Variants in CABIN1 observed in about 807,000 individuals in gnomAD.
The protein encoded by CABIN1 is calcineurin binding protein 1.
Under a neutral mutation model 227.7 loss-of-function variants are expected in CABIN1, and 133 were observed. The observed-to-expected ratio is 0.58, with a 90% CI of 0.51 to 0.67. The LOEUF is 0.67. CABIN1 is among the 30% of genes least tolerant of loss of function. The probability of loss-of-function intolerance (pLI) is 0.00; values close to 1 mark genes in which losing one functional copy is unlikely to be tolerated. For missense variants in CABIN1, 2,408 were observed against 2,852.5 expected (o/e 0.84, Z 3.55); for synonymous variants, 1,086 against 1,155.1 (o/e 0.94, Z 1.21).
intron 28 of CABIN1, among the ~76,000 whole-genome samples, chr22:24,130,951 T>A (rs373197050): frequency 6.6e-6 from 1 of 152,344 alleles, no homozygotes; most frequent in South Asian, 2.1e-4. Context: ...TCCCACTGCC[T>A]TCTCCCTTTC....
At chr22:24,115,390 G>T (rs2043025941) in intron 27 of CABIN1, among the ~76,000 whole-genome samples, 1 of 152,176 alleles carries the variant, frequency 6.6e-6, no homozygotes, top group African/African-American at 2.4e-5. Flanking sequence ...AGTTTGTGGG[G>T]CTGGCCATTG....
At chr22:24,116,944 A>G (rs2043121306) in intron 27 of CABIN1, among the ~76,000 whole-genome samples, 1 of 152,198 alleles carries the variant, frequency 6.6e-6, no homozygotes. Flanking sequence ...GCCAGAACAC[A>G]CATTTTACTT....
intron 29 of CABIN1, among the ~76,000 whole-genome samples, chr22:24,140,514 C>T (rs1236805109): frequency 3.3e-5 from 5 of 152,324 alleles, no homozygotes; most frequent in African/African-American, 1.2e-4. Context: ...CGCAGGCATA[C>T]ACACCTCTGG....
intron 12 of CABIN1, 40 bp downstream of exon 12, chr22:24,060,181 C>T: frequency 1.3e-6 from 2 of 1,565,892 alleles, no homozygotes; most frequent in Non-Finnish European, 1.8e-6. Context: ...TGAACTGGGA[C>T]CAGGGCATGG....
intron 26 of CABIN1, among the ~76,000 whole-genome samples, chr22:24,106,403 G>A (rs1004752026): frequency 6.6e-6 from 1 of 152,204 alleles, no homozygotes; most frequent in Non-Finnish European, 1.5e-5. Flanking sequence ...CCAGAGCAGG[G>A]GCTTCCTGCT....
At chr22:24,054,768 C>T in intron 8 of CABIN1, 105 bp from the exon 9 acceptor site, 2 of 1,432,244 alleles carry the variant, frequency 1.4e-6, no homozygotes, top group Non-Finnish European at 9.8e-7. Flanking sequence ...CATGGCAGCT[C>T]CAGGAGCAGC....
At position 24,048,912 on chromosome 22, in the gene CABIN1, G is replaced by A. The variant is rs2038104948; in HGVS notation, c.527-179G>A. 2.0e-5 allele frequency among the ~76,000 whole-genome samples: 3 copies of A among 152,218 alleles called. No homozygotes were observed. The South Asian group carries it at 6.2e-4, about 32-fold the overall frequency. On this transcript the variant is annotated intron_variant, in intron 6 of 36. Transcript: ENST00000263119. The stretch of plus-strand genomic sequence containing the variant: ...AATCTTTGGGTCTGCTCACCTTGCA[G>A]TGCCCAGTCTACTCTGGGTCTTATT...
rs185147368 is a variant in CABIN1 at position 24,030,611 on chromosome 22, A to C, written c.-74-4833A>C. ...TTTTGAAAATAATTAGGAAGCCTGA[A>C]ATTTGTATTTGTTCTCCTACACTGT... On this transcript the variant is annotated intron_variant, in intron 1 of 36. Coordinates refer to ENST00000263119, the MANE Select transcript of CABIN1 (RefSeq NM_012295.4). 8.3e-4 allele frequency among the ~76,000 whole-genome samples: 127 copies of C among 152,208 alleles called. 1 individual carries two copies. Among genetic ancestry groups the C allele is most frequent in the African/African-American group, 2.9e-3 (120 of 41,532 alleles).
At chr22:24,132,308 CTT>C (rs1205017121) in intron 28 of CABIN1, among the ~76,000 whole-genome samples, 1 of 152,186 alleles carries the variant, frequency 6.6e-6, no homozygotes, top group African/African-American at 2.4e-5. Context: ...TTGAGCTAAT[CTT>C]TGGTTTTATT....
chr22:24,175,687 C>G (rs976635514), intron 34 of CABIN1: 8 of 292,030 alleles, frequency 2.7e-5, no homozygotes, highest in African/African-American at 4.4e-5. Context: ...CCAGCGTCTA[C>G]TTTGGTCTTA....
Position 24,167,155 on chromosome 22 carries a change from C to A in CABIN1, c.5524C>A (p.Arg1842=), listed in dbSNP as rs771733402. ...GGGCCACCCGGAGGAGCCGCTCTCC[C>A]GGCTCAGCCGCAAGAGGAAGCTCCT... ...AGGHPEEPLS[R]LSRKRKLLED... The change falls in exon 32 of 37, where the codon CGG becomes AGG. Residue 1842 remains arginine (R), a synonymous_variant. Coordinates refer to ENST00000263119, the MANE Select transcript of CABIN1 (RefSeq NM_012295.4). 3 of 1,605,182 alleles carry A rather than the reference C, an allele frequency of 1.9e-6. No individual in the cohort carries two copies. In the African/African-American group the frequency reaches 4.0e-5, roughly 21 times the overall value.
intron 29 of CABIN1, among the ~76,000 whole-genome samples, chr22:24,144,724 T>G (rs2044998864): frequency 6.6e-6 from 1 of 152,242 alleles, no homozygotes; most frequent in Non-Finnish European, 1.5e-5. Context: ...AAGGCCATCC[T>G]AGGCCTGTTC....
Position 24,070,950 on chromosome 22 carries a change from G to A in CABIN1, c.2383G>A (p.Glu795Lys), listed in dbSNP as rs772632963. The change falls in exon 17 of 37, where the codon GAG becomes AAG. Residue 795 changes from glutamate to lysine, a missense_variant. Around this residue, in one of 3 missense-constraint regions of CABIN1, gnomAD observed 1,045 missense variants for 1,168.4 expected, o/e 0.89. Coordinates refer to ENST00000263119, the MANE Select transcript of CABIN1 (RefSeq NM_012295.4). Reference protein sequence around the residue: ...ATVTQLLMGIEQALSADSSGS... With the variant: ...ATVTQLLMGIKQALSADSSGS... ...AGTGACCCAACTGCTGATGGGCATC[G>A]AGCAGGCCCTCTCTGCGGACAGCAG... The A allele has an allele frequency of 6.8e-6, 11 of 1,614,086 alleles. No homozygotes were observed. Among genetic ancestry groups the A allele is most frequent in the South Asian group, 4.4e-5 (4 of 91,078 alleles).
intron 28 of CABIN1, among the ~76,000 whole-genome samples, chr22:24,129,824 T>TG (rs2043964979): frequency 6.6e-6 from 1 of 151,986 alleles, no homozygotes; most frequent in South Asian, 2.1e-4. Flanking sequence ...TGGGAACAAG[T>TG]GTGGCTGGAG....
At chr22:24,134,560 G>T in intron 29 of CABIN1, 145 bp downstream of exon 29, 1 of 698,962 alleles carries the variant, frequency 1.4e-6, no homozygotes, top group Admixed American at 2.0e-5. Flanking sequence ...GTACAGTCGA[G>T]AGTGAGCCAG....
intron 29 of CABIN1, chr22:24,156,511 C>G (rs1280101766): frequency 6.2e-6 from 1 of 161,010 alleles, no homozygotes; most frequent in African/African-American, 2.4e-5. Flanking sequence ...GCGAAAGCCG[C>G]CCGCCAGAGC....
rs372997665 is a variant in CABIN1, at chr22:24,171,750, A to G, written c.5795A>G (p.Lys1932Arg). 10 of 1,614,048 alleles carry G rather than the reference A, an allele frequency of 6.2e-6. No individual in the cohort carries two copies. In the Admixed American group the frequency reaches 6.7e-5, roughly 11 times the overall value. Reference protein sequence around the residue: ...GDTPTTPKHPKDSRENFFPVT... With the variant: ...GDTPTTPKHPRDSRENFFPVT... Reference sequence around the variant, plus strand: ...ACCCCCACCACTCCAAAGCACCCCAAAGACAGCCGAGAGAACTTCTTTCCT... The same window carrying G: ...ACCCCCACCACTCCAAAGCACCCCAGAGACAGCCGAGAGAACTTCTTTCCT... The change falls in exon 34 of 37, where the codon AAA (lysine) becomes AGA (arginine). Residue 1932 changes from lysine (K) to arginine (R), a missense_variant. Lys to Arg is a conservative substitution (Grantham distance 26, BLOSUM62 2). Coordinates refer to ENST00000263119, the MANE Select transcript of CABIN1 (RefSeq NM_012295.4).
intron 1 of CABIN1, among the ~76,000 whole-genome samples, chr22:24,032,494 A>G (rs1021700863): frequency 3.3e-5 from 5 of 152,180 alleles, no homozygotes; most frequent in East Asian, 1.9e-4. Flanking sequence ...TATTTTGTGT[A>G]TATAGCCAGA....
intron 29 of CABIN1, among the ~76,000 whole-genome samples, chr22:24,139,287 G>A (rs750211190): frequency 1.6e-4 from 24 of 152,178 alleles, no homozygotes; most frequent in African/African-American, 2.2e-4. Flanking sequence ...TAAAAAGTGC[G>A]TGTGTGGCTG....
Sources: allele counts gnomAD v4.1 joint callset (sites outside exome capture counted in the v4.1 genomes callset), GRCh38; gene constraint gnomAD v4.1.1; regional missense constraint gnomAD v4.1.1; transcripts MANE v1.5; gene names NCBI Gene and HGNC (gene_info 2026-07-23, HGNC 2026-07-21).